Variants in SEMA5A observed in about 807,000 individuals in gnomAD.
SEMA5A encodes the protein semaphorin 5A.
In SEMA5A, 55 loss-of-function variants were observed where a neutral mutation model predicts 135.5. The observed-to-expected ratio is 0.41, with a 90% CI of 0.33 to 0.51. The LOEUF (loss-of-function observed/expected upper bound fraction) is 0.51. Ranked by LOEUF, SEMA5A falls within the 20% of genes least tolerant of loss-of-function variation. SEMA5A has a pLI of 0.37. For synonymous variants in SEMA5A, 580 were observed against 546.5 expected, an observed-to-expected ratio of 1.06 and a Z score of -0.85; for missense variants, 1,290 against 1,419.9, an observed-to-expected ratio of 0.91 and a Z score of 1.47.
intron 1 of SEMA5A, among the ~76,000 whole-genome samples, chr5:9,543,022 C>T (rs460234): frequency 0.19 from 28,187 of 152,150 alleles, 2,677 homozygotes; most frequent in African/African-American, 0.22. Context: ...AATAAAATCA[C>T]TTGAAACTCT....
At chr5:9,317,326 T>C (rs959626790) in intron 5 of SEMA5A, among the ~76,000 whole-genome samples, 36 of 152,144 alleles carry the variant, frequency 2.4e-4, no homozygotes, top group African/African-American at 8.7e-4. Context: ...TTGAACGTCT[T>C]ACTTATTTTT....
intron 1 of SEMA5A, among the ~76,000 whole-genome samples, chr5:9,448,024 G>A (rs538774840): frequency 6.6e-6 from 1 of 152,254 alleles, no homozygotes; most frequent in East Asian, 1.9e-4. Context: ...CAAAAGGTCG[G>A]CATGTCCTGA....
intron 2 of SEMA5A, among the ~76,000 whole-genome samples, chr5:9,398,004 A>T (rs993961918): frequency 3.9e-5 from 6 of 152,226 alleles, no homozygotes; most frequent in African/African-American, 1.4e-4. Flanking sequence ...CTCTTCTGAT[A>T]GGAAGAGCTG....
chr5:9,242,048 A>G (rs1284247975), intron 5 of SEMA5A, among the ~76,000 whole-genome samples: 1 of 152,202 alleles, frequency 6.6e-6, no homozygotes, highest in African/African-American at 2.4e-5. Context: ...TTCTTTTTTC[A>G]TATGTTTACA....
At chr5:9,475,969 G>T (rs145847145) in intron 1 of SEMA5A, among the ~76,000 whole-genome samples, 23 of 152,120 alleles carry the variant, frequency 1.5e-4, no homozygotes, top group Admixed American at 6.6e-5. Context: ...TATATTCTTC[G>T]AAACATATCC....
chr5:9,301,645 G>A (rs866273483), intron 5 of SEMA5A, among the ~76,000 whole-genome samples: 1 of 152,244 alleles, frequency 6.6e-6, no homozygotes, highest in Middle Eastern at 3.4e-3. Flanking sequence ...GAAGAAATTG[G>A]TCTTGCAGCT....
At chr5:9,364,072 C>T (rs2126395849) in intron 3 of SEMA5A, among the ~76,000 whole-genome samples, 1 of 152,296 alleles carries the variant, frequency 6.6e-6, no homozygotes, top group Admixed American at 6.5e-5. Flanking sequence ...ATGATAAACA[C>T]ATGCAAAGTT....
intron 5 of SEMA5A, among the ~76,000 whole-genome samples, chr5:9,287,196 C>A (rs1364073637): frequency 6.6e-6 from 1 of 152,224 alleles, no homozygotes; most frequent in African/African-American, 2.4e-5. Context: ...TACAGACATT[C>A]ATCTTTATAT....
At chr5:9,106,894 CA>C (rs926502876) in intron 16 of SEMA5A, among the ~76,000 whole-genome samples, 1 of 152,128 alleles carries the variant, frequency 6.6e-6, no homozygotes, top group African/African-American at 2.4e-5. Flanking sequence ...GTATCTTTTC[CA>C]TTGTGAAGGG....
chr5:9,044,979 T>G (rs1442347454), intron 21 of SEMA5A, among the ~76,000 whole-genome samples: 2 of 152,056 alleles, frequency 1.3e-5, no homozygotes, highest in Admixed American at 6.6e-5. Flanking sequence ...GAGATGGGGT[T>G]TCTCCATGTT....
At chr5:9,424,475 T>C (rs1757574605) in intron 2 of SEMA5A, among the ~76,000 whole-genome samples, 2 of 152,200 alleles carry the variant, frequency 1.3e-5, no homozygotes, top group Admixed American at 6.5e-5. Context: ...TCAGAGGCCC[T>C]GGATTTCAAA....
At chr5:9,248,208 T>A (rs967927763) in intron 5 of SEMA5A, among the ~76,000 whole-genome samples, 6 of 152,208 alleles carry the variant, frequency 3.9e-5, no homozygotes, top group Non-Finnish European at 7.3e-5. Context: ...GGTGAATTTT[T>A]AATGTCTGTA....
chr5:9,351,694 C>T (rs948899884), intron 3 of SEMA5A, among the ~76,000 whole-genome samples: 1 of 152,182 alleles, frequency 6.6e-6, no homozygotes, highest in African/African-American at 2.4e-5. Context: ...GAAGAAAAGT[C>T]AGATCCCACA....
intron 16 of SEMA5A, among the ~76,000 whole-genome samples, chr5:9,075,418 A>G (rs753344364): frequency 6.6e-6 from 1 of 152,238 alleles, no homozygotes; most frequent in African/African-American, 2.4e-5. Context: ...GAAACTGGAG[A>G]CAACTCATAT....
intron 16 of SEMA5A, among the ~76,000 whole-genome samples, chr5:9,090,081 G>T (rs945600501): frequency 2.0e-5 from 3 of 152,106 alleles, no homozygotes. Context: ...GTACAAGATT[G>T]TACAGTCTGT....
rs191392419 is a variant in SEMA5A at position 9,495,294 on chromosome 5, A to G, written c.-175+50290T>C. On this transcript the variant is annotated intron_variant, in intron 1 of 22. Coordinates refer to ENST00000382496, the MANE Select transcript of SEMA5A (RefSeq NM_003966.3). Reference sequence around the variant, plus strand: ...CCACAATAGGAGTTTCTGAATAACAACGTCACACAAGAGCAAATTCAAGAG... The same window carrying G: ...CCACAATAGGAGTTTCTGAATAACAGCGTCACACAAGAGCAAATTCAAGAG... Among the ~76,000 whole-genome samples, 294 of 152,266 alleles carry G rather than the reference A, an allele frequency of 1.9e-3. 2 individuals are homozygous for G. Among genetic ancestry groups the G allele is most frequent in the African/African-American group, 6.7e-3 (278 of 41,552 alleles).
chr5:9,391,958 C>T (rs1756178844), intron 2 of SEMA5A, among the ~76,000 whole-genome samples: 1 of 152,178 alleles, frequency 6.6e-6, no homozygotes, highest in African/African-American at 2.4e-5. Flanking sequence ...CCCTGTGCTC[C>T]CGCCACACAC....
rs547573509 is a variant in SEMA5A, at chr5:9,036,129, CAA to C, written c.*6766_*6767del. 7.8e-4 allele frequency: 119 copies of C among 152,048 alleles called. No individual in the cohort carries two copies. The highest frequency in any genetic ancestry group is 2.8e-3 in the African/African-American group (116 of 41,496). The allele number at this position is 152,048 out of a possible 1,614,324, so 9.4% of individuals were successfully genotyped here. A position where few individuals can be genotyped will look rare whatever the true frequency, so the allele number is the denominator to read the frequency against. On this transcript the variant is annotated 3_prime_UTR_variant, in exon 23 of 23. Coordinates refer to ENST00000382496, the MANE Select transcript of SEMA5A (RefSeq NM_003966.3). ...ACTTTTGAAGAATCCAACATTGGAC[CAA>C]AAGTTTGTGCATTTTCTTGCAGATG... is the stretch of plus-strand genomic sequence containing the variant.
At chr5:9,243,355 C>A (rs924458769) in intron 5 of SEMA5A, among the ~76,000 whole-genome samples, 23 of 152,156 alleles carry the variant, frequency 1.5e-4, no homozygotes, top group Non-Finnish European at 3.4e-4. Flanking sequence ...AAATGTTCCT[C>A]TTCTTATAAG....
Sources: gnomAD v4.1 joint callset for allele counts (sites outside exome capture counted in the v4.1 genomes callset) on GRCh38, gnomAD v4.1.1 for gene constraint, MANE v1.5 for transcripts, NCBI Gene and HGNC (gene_info 2026-07-23, HGNC 2026-07-21) for gene names.